ALMS1: variants seen among roughly 807,000 people sequenced by gnomAD.
ALMS1 encodes the protein centrosome-associated protein ALMS1.
ALMS1 carries 271 observed loss-of-function variants against 352.2 expected under a neutral mutation model. That is an observed-to-expected ratio of 0.77 (90% CI 0.70 to 0.85). The LOEUF (loss-of-function observed/expected upper bound fraction) is 0.85, where lower values mean the gene tolerates loss of function less well. ALMS1 is among the 40% of genes least tolerant of loss of function. The pLI is 0.00. For synonymous variants in ALMS1, 1,865 were observed against 1,761.2 expected (o/e 1.06, Z -1.48); for missense variants, 5,445 against 4,870.7 (o/e 1.12, Z -3.51).
intron 15 of ALMS1, among the ~76,000 whole-genome samples, chr2:73,564,125 A>C (rs558024026): frequency 1.3e-5 from 2 of 151,900 alleles, no homozygotes; most frequent in African/African-American, 4.8e-5. Flanking sequence ...CCAAAAGACC[A>C]TAGAAAATTT....
intron 16 of ALMS1, among the ~76,000 whole-genome samples, chr2:73,580,398 A>T (rs1023741755): frequency 4.6e-5 from 7 of 152,278 alleles, no homozygotes; most frequent in African/African-American, 1.7e-4. Flanking sequence ...TTTCAGCTTC[A>T]TATTTTCTAT....
chr2:73,554,581 C>T (rs982479068), intron 13 of ALMS1, among the ~76,000 whole-genome samples: 5 of 150,840 alleles, frequency 3.3e-5, no homozygotes, highest in Admixed American at 6.6e-5. Context: ...GGCGTGGTGG[C>T]GGGCGCCTGT....
intron 2 of ALMS1, among the ~76,000 whole-genome samples, chr2:73,414,474 T>TTTTTTTTTTTTTGG (rs1558635478): frequency 1.1e-4 from 2 of 18,526 alleles, no homozygotes; most frequent in Non-Finnish European, 2.1e-4. Context: ...TTTTTTTCCG[T>TTTTTTTTTTTTTGG]TTTTTTTTTT....
Position 73,448,768 on chromosome 2 carries a change from T to C in ALMS1, c.2241T>C (p.Pro747=), listed in dbSNP as rs1271375179. The C allele has an allele frequency of 6.2e-7, 1 of 1,614,048 alleles. No homozygotes were observed. Among genetic ancestry groups the C allele is most frequent in the Non-Finnish European group, 8.5e-7 (1 of 1,179,992 alleles). ...EETLTKVSAT[P]GPADQKTEIP... ...CTCTTACTAAAGTTTCAGCCACTCCTGGACCAGCTGACCAGAAGACTGAGA... is the reference window on the plus strand; with the variant it reads ...CTCTTACTAAAGTTTCAGCCACTCCCGGACCAGCTGACCAGAAGACTGAGA... The change falls in exon 8 of 23, where the codon CCT becomes CCC. Residue 747 remains proline (P), a synonymous_variant. Coordinates refer to ENST00000613296, the MANE Select transcript of ALMS1 (RefSeq NM_001378454.1).
rs1402506238 is a variant in ALMS1, at chr2:73,448,133, A to T, written c.1606A>T (p.Thr536Ser). ...AACTACTACTGGTCAACACACTGAT[A>T]CTCTCAACCAAAAGACATTAGCAGA... Reference protein sequence around the residue: ...LETTTGQHTDTLNQKTLADTH... With the variant: ...LETTTGQHTDSLNQKTLADTH... Residue 536 changes from threonine (T) to serine (S), a missense_variant, in exon 8 of 23, where the codon ACT becomes TCT. By Grantham distance (58) the Thr-to-Ser change is moderately conservative. Transcript: ENST00000613296. 6.2e-7 allele frequency: 1 copy of T among 1,613,922 alleles called. No homozygotes were observed.
At chr2:73,395,527 T>A (rs1670743416) in intron 1 of ALMS1, among the ~76,000 whole-genome samples, 1 of 152,202 alleles carries the variant, frequency 6.6e-6, no homozygotes, top group African/African-American at 2.4e-5. Context: ...CTTAAATTCT[T>A]CAAAATACTG....
intron 10 of ALMS1, among the ~76,000 whole-genome samples, chr2:73,515,124 G>A (rs1245375616): frequency 3.3e-5 from 5 of 152,052 alleles, no homozygotes; most frequent in Middle Eastern, 3.4e-3. Context: ...TCATCCGTTC[G>A]TTCTTTTTAT....
chr2:73,609,576 C>T lies in ALMS1; in HGVS notation c.12471C>T (p.Thr4157=). Residue 4157 remains threonine, a synonymous_variant, in exon 23 of 23, where the codon ACC becomes ACT. Transcript: ENST00000613296. ...LRAQLYKKRV[T]NQLLGRKVPW... The stretch of plus-strand genomic sequence containing the variant: ...TTTCTTTTCTTCTACAGAGAGTGAC[C>T]AATCAACTTCTGGGGAGAAAAGTTC... 2.5e-6 allele frequency: 4 copies of T among 1,614,090 alleles called. No homozygotes were observed. The highest frequency in any genetic ancestry group is 3.4e-6 in the Non-Finnish European group (4 of 1,179,970).
intron 9 of ALMS1, among the ~76,000 whole-genome samples, chr2:73,477,752 T>TA (rs990876850): frequency 6.6e-6 from 1 of 152,124 alleles, no homozygotes; most frequent in South Asian, 2.1e-4. Flanking sequence ...GAATTTTTTT[T>TA]AAAAATTTAT....
intron 13 of ALMS1, among the ~76,000 whole-genome samples, chr2:73,556,421 A>G (rs992151598): frequency 1.3e-5 from 2 of 152,180 alleles, no homozygotes; most frequent in Non-Finnish European, 1.5e-5. Context: ...GAGAAATAGT[A>G]TTAGACAAGT....
chr2:73,416,496 A>G (rs1451641506), intron 2 of ALMS1, among the ~76,000 whole-genome samples: 1 of 152,190 alleles, frequency 6.6e-6, no homozygotes, highest in Non-Finnish European at 1.5e-5. Context: ...TAAACTTACT[A>G]TATGAACATT....
chr2:73,539,787 C>T (rs1674123420), intron 12 of ALMS1, among the ~76,000 whole-genome samples: 1 of 152,032 alleles, frequency 6.6e-6, no homozygotes, highest in African/African-American at 2.4e-5. Flanking sequence ...GATGGAAGAT[C>T]AGATGAATGA....
intron 10 of ALMS1, among the ~76,000 whole-genome samples, chr2:73,506,944 C>A (rs1330105609): frequency 6.6e-6 from 1 of 152,034 alleles, no homozygotes; most frequent in Non-Finnish European, 1.5e-5. Context: ...TTTTTTGAGA[C>A]ATGTTCCATC....
chr2:73,536,483 T>G (rs1259763075), intron 12 of ALMS1, among the ~76,000 whole-genome samples: 1 of 152,128 alleles, frequency 6.6e-6, no homozygotes, highest in African/African-American at 2.4e-5. Flanking sequence ...CACTTGAGAT[T>G]GTTTTTTCAT....
At chr2:73,601,075 G>A (rs1675674133) in intron 18 of ALMS1, 120 bp from the exon 19 acceptor site, 12 of 1,524,204 alleles carry the variant, frequency 7.9e-6, no homozygotes, top group South Asian at 1.2e-5. Flanking sequence ...AGGGCACCCT[G>A]TGGCCTCTGA....
At chr2:73,552,783 A>G (rs764224121) in intron 13 of ALMS1, among the ~76,000 whole-genome samples, 8 of 152,216 alleles carry the variant, frequency 5.3e-5, no homozygotes, top group Non-Finnish European at 7.3e-5. Flanking sequence ...AAACTGAACA[A>G]TGACCTATGT....
rs776534001 is a variant in ALMS1 at position 73,608,512 on chromosome 2, G to A, written c.12400G>A (p.Glu4134Lys). ...GCTTCCAGAAGTACAGAAAAAGAGA[G>A]AAGAAGAGAAGAGAAAATCAGAATA... ...EQLPEVQKKR[E>K]EEKRKSEYKS... The change falls in exon 22 of 23, where the codon GAA becomes AAA. Residue 4134 changes from glutamate to lysine, a missense_variant. By Grantham distance (56) the Glu-to-Lys change is moderately conservative. Transcript: ENST00000613296. The A allele has an allele frequency of 1.2e-6, 2 of 1,613,820 alleles. No homozygotes were observed. Among genetic ancestry groups the A allele is most frequent in the African/African-American group, 1.3e-5 (1 of 74,916 alleles).
At chr2:73,483,528 G>T (rs1233092470) in intron 9 of ALMS1, among the ~76,000 whole-genome samples, 3 of 151,552 alleles carry the variant, frequency 2.0e-5, no homozygotes, top group Non-Finnish European at 3.0e-5. Flanking sequence ...GTGGTGTGGT[G>T]CTGAAAAAAA....
intron 15 of ALMS1, among the ~76,000 whole-genome samples, chr2:73,570,121 T>TAA (rs1674893496): frequency 6.6e-6 from 1 of 152,182 alleles, no homozygotes; most frequent in Non-Finnish European, 1.5e-5. Context: ...CTATCAAGAA[T>TAA]AACTCCCAGA....
Sources: gnomAD v4.1 joint callset for allele counts (sites outside exome capture counted in the v4.1 genomes callset) on GRCh38, gnomAD v4.1.1 for gene constraint, MANE v1.5 for transcripts, NCBI Gene and HGNC (gene_info 2026-07-23, HGNC 2026-07-21) for gene names.